RASA3: variants seen among roughly 807,000 people sequenced by gnomAD.
RASA3 encodes RAS p21 protein activator 3, also known as ras GTPase-activating protein 3.
A neutral mutation model predicts 110.0 loss-of-function variants in RASA3; 73 were observed. The observed-to-expected ratio is 0.66, with a 90% CI of 0.55 to 0.81. RASA3 has a LOEUF of 0.81. Among genes scored for constraint, RASA3 ranks in the 30% least tolerant of loss-of-function variants. The pLI, the probability that RASA3 is intolerant of heterozygous loss-of-function variation, is 0.00. For synonymous variants in RASA3, 500 were observed against 451.4 expected, an observed-to-expected ratio of 1.11 and a Z score of -1.37; for missense variants, 976 against 1,113.2, an observed-to-expected ratio of 0.88 and a Z score of 1.75.
At chr13:114,116,277 G>T (rs2080273738) in intron 1 of RASA3, among the ~76,000 whole-genome samples, 1 of 151,974 alleles carries the variant, frequency 6.6e-6, no homozygotes, top group South Asian at 2.1e-4. Flanking sequence ...TATCTGAGGT[G>T]ATTTGCAACT....
chr13:113,979,936 T>C (rs1340752779), intron 23 of RASA3, among the ~76,000 whole-genome samples: 2 of 149,922 alleles, frequency 1.3e-5, no homozygotes, highest in Non-Finnish European at 1.5e-5. Context: ...CCTCCATGTG[T>C]GCATCTCCTC....
intron 1 of RASA3, among the ~76,000 whole-genome samples, chr13:114,107,000 C>T (rs997847327): frequency 1.3e-5 from 2 of 152,232 alleles, no homozygotes; most frequent in Admixed American, 6.5e-5. Context: ...CCAGGCCCCC[C>T]CAGAGCCACA....
chr13:114,019,046 G>T, intron 9 of RASA3, 127 bp from the exon 10 acceptor site: 1 of 1,224,252 alleles, frequency 8.2e-7, no homozygotes, highest in Non-Finnish European at 1.1e-6. Flanking sequence ...ACCCCTCAGA[G>T]TGCAGCCCCT....
At chr13:114,087,145 G>T (rs2079829591) in intron 1 of RASA3, among the ~76,000 whole-genome samples, 1 of 77,662 alleles carries the variant, frequency 1.3e-5, no homozygotes, top group Non-Finnish European at 2.7e-5. Context: ...CTGGAGTATC[G>T]ACTCCCTTCG....
At chr13:114,051,759 C>T (rs2079151039) in intron 3 of RASA3, among the ~76,000 whole-genome samples, 1 of 152,168 alleles carries the variant, frequency 6.6e-6, no homozygotes, top group South Asian at 2.1e-4. Flanking sequence ...GGGGAACAGC[C>T]CTGGGAAGTT....
At chr13:114,125,276 C>G (rs1281764054) in intron 1 of RASA3, among the ~76,000 whole-genome samples, 2 of 152,164 alleles carry the variant, frequency 1.3e-5, no homozygotes, top group East Asian at 3.8e-4. Context: ...AAAGAAACAC[C>G]TGAGACTGGG....
At chr13:114,041,627 G>C (rs113288994) in intron 3 of RASA3, among the ~76,000 whole-genome samples, 5 of 152,374 alleles carry the variant, frequency 3.3e-5, no homozygotes, top group African/African-American at 1.2e-4. Context: ...CGCCACAAGA[G>C]ACACGTGTGC....
chr13:114,051,000 G>A (rs921164050), intron 3 of RASA3, among the ~76,000 whole-genome samples: 9 of 152,360 alleles, frequency 5.9e-5, no homozygotes, highest in South Asian at 2.1e-4. Context: ...GGCAGCCGGC[G>A]TGGGGTGGAG....
chr13:114,043,166 C>G (rs2054451433), intron 3 of RASA3, among the ~76,000 whole-genome samples: 1 of 152,172 alleles, frequency 6.6e-6, no homozygotes, highest in African/African-American at 2.4e-5. Flanking sequence ...CAGCTCAGCA[C>G]CAGCTCCAGA....
intron 1 of RASA3, among the ~76,000 whole-genome samples, chr13:114,130,761 A>G (rs1299245410): frequency 6.6e-6 from 1 of 152,156 alleles, no homozygotes; most frequent in African/African-American, 2.4e-5. Context: ...CCGAGCCGCA[A>G]AGCCCCAGGC....
intron 1 of RASA3, among the ~76,000 whole-genome samples, chr13:114,080,978 G>T (rs5028989): frequency 0.025 from 1,524 of 61,830 alleles, 2 homozygotes; most frequent in East Asian, 0.057. Context: ...AGAACACCAA[G>T]AGTGCCCCTC....
chr13:114,062,980 C>T (rs1425310169), intron 2 of RASA3, among the ~76,000 whole-genome samples: 2 of 152,234 alleles, frequency 1.3e-5, no homozygotes, highest in Non-Finnish European at 2.9e-5. Flanking sequence ...AACGGGGACC[C>T]GTGTCTGCCG....
chr13:113,997,205 TTCC>T (rs1164874804), intron 20 of RASA3, among the ~76,000 whole-genome samples: 1 of 152,170 alleles, frequency 6.6e-6, no homozygotes. Flanking sequence ...CCCAGGATTC[TTCC>T]TCCTCCTCCC....
intron 21 of RASA3, among the ~76,000 whole-genome samples, chr13:113,995,128 C>T (rs1594286737): frequency 2.0e-5 from 3 of 152,356 alleles, no homozygotes; most frequent in South Asian, 2.1e-4. Context: ...ACTCGGCAGA[C>T]GTGTTCTCAT....
At chr13:114,058,170 T>A (rs2079276465) in intron 2 of RASA3, among the ~76,000 whole-genome samples, 1 of 151,788 alleles carries the variant, frequency 6.6e-6, no homozygotes, top group Non-Finnish European at 1.5e-5. Flanking sequence ...AATGGCAGGT[T>A]TGTACCTGCA....
In RASA3 at chr13:114,077,735, G is replaced by A. The variant is rs550851792; in HGVS notation, c.56-3898C>T. On this transcript the variant is annotated intron_variant, in intron 1 of 23. Transcript: ENST00000334062. ...CCGGGTTCCTCCCTCCCTGCCCGAT[G>A]ATGCCCAGTCCCCTGGCCCCAAAAC... The A allele has an allele frequency of 3.8e-5, 34 of 903,820 alleles. 1 individual carries two copies. The highest frequency in any genetic ancestry group is 4.2e-5 in the Non-Finnish European group (32 of 759,484). The allele number at this position is 903,820 out of a possible 1,614,324, so 56.0% of individuals were successfully genotyped here. A position where few individuals can be genotyped will look rare whatever the true frequency, so the allele number is the denominator to read the frequency against.
intron 1 of RASA3, among the ~76,000 whole-genome samples, chr13:114,113,228 A>G (rs4073530): frequency 0.37 from 56,129 of 152,142 alleles, 10,793 homozygotes; most frequent in Non-Finnish European, 0.42. Context: ...CTCCTGGCAC[A>G]TCGTCTCTCA....
At chr13:114,043,858 GCT>G (rs2078988872) in intron 3 of RASA3, among the ~76,000 whole-genome samples, 1 of 6,270 alleles carries the variant, frequency 1.6e-4, no homozygotes, top group African/African-American at 1.3e-3. Context: ...CGCCTCACTC[GCT>G]GAGCCCCCCC....
chr13:114,062,797 G>C (rs2079383349), intron 2 of RASA3, among the ~76,000 whole-genome samples: 1 of 152,258 alleles, frequency 6.6e-6, no homozygotes, highest in Admixed American at 6.5e-5. Context: ...CTCGGCTGCT[G>C]AGGGAGCAAC....
Sources: allele counts gnomAD v4.1 joint callset (sites outside exome capture counted in the v4.1 genomes callset), GRCh38; gene constraint gnomAD v4.1.1; transcripts MANE v1.5; gene names NCBI Gene and HGNC (gene_info 2026-07-23, HGNC 2026-07-21).